The following ELL variants were observed in gnomAD, a reference collection of about 807,000 sequenced individuals.
The protein encoded by ELL is elongation factor for RNA polymerase II, also known as RNA polymerase II elongation factor ELL.
Under a neutral mutation model 64.0 loss-of-function variants are expected in ELL, and 18 were observed. That is an observed-to-expected ratio of 0.28 (90% CI 0.19 to 0.42). The LOEUF (loss-of-function observed/expected upper bound fraction) is 0.42, where lower values mean the gene tolerates loss of function less well. ELL is among the 10% of genes least tolerant of loss of function. The probability of loss-of-function intolerance (pLI) is 1.00; values close to 1 mark genes in which losing one functional copy is unlikely to be tolerated. For synonymous variants in ELL, 399 were observed against 376.2 expected (o/e 1.06, Z -0.70); for missense variants, 797 against 870.4 (o/e 0.92, Z 1.06).
chr19:18,510,503 T>A (rs1285256807), intron 1 of ELL, among the ~76,000 whole-genome samples: 1 of 152,134 alleles, frequency 6.6e-6, no homozygotes, highest in African/African-American at 2.4e-5. Context: ...CACACCGGGC[T>A]CTCCCTGTCC....
chr19:18,465,678 C>T, intron 3 of ELL, 103 bp from the exon 4 acceptor site: 4 of 1,483,008 alleles, frequency 2.7e-6, no homozygotes, highest in Non-Finnish European at 3.6e-6. Flanking sequence ...GGAAAATGGA[C>T]TCTGTCAACA....
At chr19:18,496,121 T>C (rs1975647933) in intron 1 of ELL, among the ~76,000 whole-genome samples, 1 of 152,180 alleles carries the variant, frequency 6.6e-6, no homozygotes, top group African/African-American at 2.4e-5. Flanking sequence ...TCCCTCCTTA[T>C]GGATGGGGAA....
chr19:18,444,654 G>C lies in ELL; in HGVS notation c.*98C>G. 4 of 1,337,020 alleles carry C rather than the reference G, an allele frequency of 3.0e-6. No individual in the cohort carries two copies. The highest frequency in any genetic ancestry group is 1.5e-5 in the African/African-American group (1 of 68,600). The allele number at this position is 1,337,020 out of a possible 1,614,324, so 82.8% of individuals were successfully genotyped here. A position where few individuals can be genotyped will look rare whatever the true frequency, so the allele number is the denominator to read the frequency against. ...CCTGAAAGCCGGCGGTGCTGGCTCAGATGAGCATCTTCCTCGGGTTTATTT... is the reference window on the plus strand; with the variant it reads ...CCTGAAAGCCGGCGGTGCTGGCTCACATGAGCATCTTCCTCGGGTTTATTT... On this transcript the variant is annotated 3_prime_UTR_variant, in exon 12 of 12. Transcript: ENST00000262809.
At chr19:18,519,187 G>T (rs62123874) in intron 1 of ELL, among the ~76,000 whole-genome samples, 2 of 148,812 alleles carry the variant, frequency 1.3e-5, no homozygotes, top group Admixed American at 1.3e-4. Flanking sequence ...ACGAAAAATC[G>T]CACCACTGCA....
At chr19:18,470,253 A>G (rs1385267916) in intron 2 of ELL, among the ~76,000 whole-genome samples, 1 of 152,272 alleles carries the variant, frequency 6.6e-6, no homozygotes, top group Admixed American at 6.5e-5. Flanking sequence ...GGCATGCTGC[A>G]CGCAAGGACA....
chr19:18,448,788 C>G (rs1038532218), intron 8 of ELL: 1 of 152,218 alleles, frequency 6.6e-6, no homozygotes, highest in Non-Finnish European at 1.5e-5. Flanking sequence ...CCTCAGCGGC[C>G]CCCGACTCCT....
chr19:18,512,475 A>C (rs542555278), intron 1 of ELL, among the ~76,000 whole-genome samples: 2 of 151,980 alleles, frequency 1.3e-5, no homozygotes, highest in South Asian at 4.2e-4. Flanking sequence ...CCATCTCTAC[A>C]AAAACATACA....
At chr19:18,488,517 G>A (rs1975462613) in intron 1 of ELL, among the ~76,000 whole-genome samples, 3 of 152,316 alleles carry the variant, frequency 2.0e-5, no homozygotes, top group Admixed American at 2.0e-4. Context: ...AGGATCCAGG[G>A]CTCTAGGGAG....
In ELL at chr19:18,445,218, A is replaced by G. The variant is rs1568373054; in HGVS notation, c.1749+6T>C. ...TGGAGCCCACCCCAACACAAGAGAC[A>G]CTCACCTTTTTGATTTTTCGATATT... is the stretch of plus-strand genomic sequence containing the variant. On this transcript the variant is annotated splice_donor_region_variant and intron_variant, in intron 11 of 11. Transcript: ENST00000262809. 1.9e-6 allele frequency: 3 copies of G among 1,613,806 alleles called. No individual in the cohort carries two copies. The highest frequency in any genetic ancestry group is 4.5e-5 in the East Asian group (2 of 44,886).
intron 2 of ELL, among the ~76,000 whole-genome samples, chr19:18,471,762 A>AC (rs1333944371): frequency 2.0e-5 from 3 of 152,166 alleles, no homozygotes; most frequent in Non-Finnish European, 4.4e-5. Flanking sequence ...TAGATGACTC[A>AC]CCCTTTCTCT....
At position 18,444,070 on chromosome 19, in the gene ELL, G is replaced by A. The variant is rs114536820; in HGVS notation, c.*682C>T. 67 of 231,742 alleles carry A rather than the reference G, an allele frequency of 2.9e-4. No individual in the cohort carries two copies. The highest frequency in any genetic ancestry group is 1.4e-3 in the African/African-American group (62 of 45,354). The allele number at this position is 231,742 out of a possible 1,614,324, so 14.4% of individuals were successfully genotyped here. On this transcript the variant is annotated 3_prime_UTR_variant, in exon 12 of 12. Transcript: ENST00000262809. ...GGCGCTGAAAGCCCTCTGCCCCCTT[G>A]GCTCTGAGCAGCTGTCTGGGGGCAC...
chr19:18,449,782 C>A lies in ELL; in HGVS notation c.1465+695G>T, dbSNP rs1371664068. Reference sequence around the variant, plus strand: ...ATGGTGGTGGAACAGCCGCTGCACGCTGGCCACTGCTTCTGCTGGTTCCTA... The same window carrying A: ...ATGGTGGTGGAACAGCCGCTGCACGATGGCCACTGCTTCTGCTGGTTCCTA... On this transcript the variant is annotated intron_variant, in intron 8 of 11. Coordinates refer to ENST00000262809, the MANE Select transcript of ELL (RefSeq NM_006532.4). The surrounding 1 kb of genome is among the most constrained non-coding windows in gnomAD (Gnocchi z 4.4). 6.6e-6 allele frequency among the ~76,000 whole-genome samples: 1 copy of A among 152,244 alleles called. No individual in the cohort carries two copies. The highest frequency in any genetic ancestry group is 2.1e-4 in the South Asian group (1 of 4,834).
intron 2 of ELL, among the ~76,000 whole-genome samples, chr19:18,467,805 C>A (rs185329451): frequency 7.6e-5 from 7 of 91,832 alleles, no homozygotes; most frequent in Admixed American, 3.2e-4. Context: ...CACAATCCCC[C>A]CACACACACA....
intron 1 of ELL, among the ~76,000 whole-genome samples, chr19:18,486,046 G>A (rs1262506560): frequency 6.6e-6 from 1 of 151,880 alleles, no homozygotes; most frequent in African/African-American, 2.4e-5. Flanking sequence ...TCTCCTGGAT[G>A]CATCACGAAG....
chr19:18,521,811 C>G, intron 1 of ELL, 110 bp downstream of exon 1: 5 of 1,395,334 alleles, frequency 3.6e-6, no homozygotes, highest in Non-Finnish European at 4.7e-6. Context: ...GACCCGCGAG[C>G]AGCACCACAG....
intron 1 of ELL, among the ~76,000 whole-genome samples, chr19:18,491,534 CTG>C (rs1265494148): frequency 6.6e-6 from 1 of 152,138 alleles, no homozygotes; most frequent in African/African-American, 2.4e-5. Context: ...GCAACATCCA[CTG>C]TAACCTAGGT....
chr19:18,501,414 G>A lies in ELL; in HGVS notation c.135+20507C>T, dbSNP rs1457025267. ...AAGGGCCTGGGATGGGCCCACTGTT[G>A]GCGAGGAGGGGCCCACGCCTCAACA... On this transcript the variant is annotated intron_variant, in intron 1 of 11. Coordinates refer to ENST00000262809, the MANE Select transcript of ELL (RefSeq NM_006532.4). This position sits in a 1 kb window ranked among gnomAD's most constrained non-coding sequence, Gnocchi z 4.5. Among the ~76,000 whole-genome samples the A allele has an allele frequency of 1.3e-5, 2 of 152,250 alleles. No individual in the cohort carries two copies. Among genetic ancestry groups the A allele is most frequent in the Admixed American group, 6.5e-5 (1 of 15,292 alleles).
At chr19:18,494,140 T>C (rs1275402147) in intron 1 of ELL, among the ~76,000 whole-genome samples, 1 of 151,834 alleles carries the variant, frequency 6.6e-6, no homozygotes, top group Non-Finnish European at 1.5e-5. Flanking sequence ...GGTAGGAGGA[T>C]CGTTTGAGCC....
intron 2 of ELL, among the ~76,000 whole-genome samples, chr19:18,471,814 C>T (rs1011056168): frequency 1.3e-5 from 2 of 152,056 alleles, no homozygotes; most frequent in Non-Finnish European, 2.9e-5. Context: ...TAGAAGAAAA[C>T]ATATTTCAAA....
Sources: allele counts gnomAD v4.1 joint callset (sites outside exome capture counted in the v4.1 genomes callset), GRCh38; gene constraint gnomAD v4.1.1; non-coding constraint Gnocchi (gnomAD v3.1); transcripts MANE v1.5; gene names NCBI Gene and HGNC (gene_info 2026-07-23, HGNC 2026-07-21).